The following SCFD2 variants were observed in gnomAD, a reference collection of about 807,000 sequenced individuals.
The protein encoded by SCFD2 is sec1 family domain containing 2.
SCFD2 carries 54 observed loss-of-function variants against 58.9 expected under a neutral mutation model. That is an observed-to-expected ratio of 0.92 (90% CI 0.74 to 1.15). The LOEUF is 1.15. Among genes scored for constraint, SCFD2 ranks in the 50% most tolerant of loss-of-function variants. The pLI, the probability that SCFD2 is intolerant of heterozygous loss-of-function variation, is 0.00. For synonymous variants in SCFD2, 321 were observed against 335.9 expected (o/e 0.96, Z 0.49); for missense variants, 805 against 836.6 (o/e 0.96, Z 0.47).
chr4:53,333,983 A>G (rs1368876745), intron 2 of SCFD2, among the ~76,000 whole-genome samples: 1 of 150,684 alleles, frequency 6.6e-6, no homozygotes, highest in Non-Finnish European at 1.5e-5. Flanking sequence ...TTATGCAGCC[A>G]AAAAACACAT....
At chr4:52,895,780 T>C (rs1037376723) in intron 7 of SCFD2, among the ~76,000 whole-genome samples, 1 of 150,696 alleles carries the variant, frequency 6.6e-6, no homozygotes, top group Admixed American at 6.6e-5. Context: ...TAGTTTACAG[T>C]GTGTAAAAGT....
intron 4 of SCFD2, among the ~76,000 whole-genome samples, chr4:53,146,025 A>G (rs1726320859): frequency 6.6e-6 from 1 of 152,224 alleles, no homozygotes; most frequent in African/African-American, 2.4e-5. Context: ...CATATTCTTT[A>G]TAATAGTTTC....
chr4:53,106,753 G>T (rs1725015230), intron 5 of SCFD2, among the ~76,000 whole-genome samples: 1 of 152,160 alleles, frequency 6.6e-6, no homozygotes, highest in South Asian at 2.1e-4. Context: ...GTACCTGAAA[G>T]TGTACCTGAA....
At chr4:52,961,735 T>C (rs1386093851) in intron 5 of SCFD2, among the ~76,000 whole-genome samples, 1 of 152,082 alleles carries the variant, frequency 6.6e-6, no homozygotes, top group East Asian at 1.9e-4. Context: ...AGAGGTAACA[T>C]TTTAGTAAGA....
intron 4 of SCFD2, among the ~76,000 whole-genome samples, chr4:53,217,759 A>C (rs1387806428): frequency 1.8e-4 from 27 of 152,124 alleles, no homozygotes; most frequent in Admixed American, 1.8e-3. Context: ...ACAATTTGGC[A>C]TGTTTTTGTA....
chr4:52,887,896 CTTT>C (rs71195133), intron 7 of SCFD2, among the ~76,000 whole-genome samples: 2 of 81,644 alleles, frequency 2.4e-5, no homozygotes, highest in Non-Finnish European at 2.2e-5. Context: ...ACATCTTATT[CTTT>C]TTTTTTTTTT....
intron 2 of SCFD2, among the ~76,000 whole-genome samples, chr4:53,347,234 G>C (rs1293751328): frequency 6.6e-6 from 1 of 152,144 alleles, no homozygotes; most frequent in East Asian, 1.9e-4. Flanking sequence ...AGAGTCTAGA[G>C]ATCCCCATGC....
chr4:53,141,349 C>A (rs1177079424), intron 5 of SCFD2, among the ~76,000 whole-genome samples: 2 of 152,132 alleles, frequency 1.3e-5, no homozygotes, highest in African/African-American at 4.8e-5. Context: ...TAATTGTGTG[C>A]ACCCAGCTTT....
chr4:52,985,543 T>C (rs1283962431), intron 5 of SCFD2, among the ~76,000 whole-genome samples: 1 of 151,996 alleles, frequency 6.6e-6, no homozygotes, highest in African/African-American at 2.4e-5. Flanking sequence ...GAGAGGTTTC[T>C]AGCACCATAT....
In SCFD2 at chr4:52,907,525, C is replaced by T. The variant is rs756841381; in HGVS notation, c.1774G>A (p.Val592Ile). The T allele has an allele frequency of 1.4e-5, 22 of 1,613,810 alleles. No homozygotes were observed. The highest frequency in any genetic ancestry group is 4.0e-5 in the African/African-American group (3 of 74,912). ...EIFHPERPDS[V>I]DIEHMSSGLT... ...CCTGAAGACATGTGTTCAATATCAA[C>T]GGAATCTGGCCTCTCGGGATGAAAT... The change falls in exon 7 of 9, where the codon GTT (valine) becomes ATT (isoleucine). Residue 592 changes from valine to isoleucine, a missense_variant. Around this residue, in one of 3 missense-constraint regions of SCFD2, gnomAD observed 633 missense variants for 646.8 expected, o/e 0.98. Coordinates refer to ENST00000401642, the MANE Select transcript of SCFD2 (RefSeq NM_152540.4).
intron 8 of SCFD2, among the ~76,000 whole-genome samples, chr4:52,875,008 T>C (rs59649036): frequency 0.29 from 43,633 of 152,154 alleles, 6,901 homozygotes; most frequent in African/African-American, 0.42. Context: ...ATCCTGATAT[T>C]GAGCTTATGA....
chr4:53,305,483 A>G (rs554337651), intron 3 of SCFD2, among the ~76,000 whole-genome samples: 1 of 152,196 alleles, frequency 6.6e-6, no homozygotes, highest in African/African-American at 2.4e-5. Context: ...CATACTAATT[A>G]TCTTTTAAAT....
chr4:53,245,327 T>A (rs1246827041), intron 4 of SCFD2, among the ~76,000 whole-genome samples: 3 of 152,116 alleles, frequency 2.0e-5, no homozygotes, highest in Non-Finnish European at 4.4e-5. Context: ...CAGGCCAATA[T>A]CCTTGGTGAA....
intron 6 of SCFD2, among the ~76,000 whole-genome samples, chr4:52,916,617 G>T (rs542371344): frequency 5.3e-4 from 80 of 152,210 alleles, no homozygotes; most frequent in African/African-American, 1.8e-3. Context: ...TTCTGCACAG[G>T]CACAGTTGGG....
intron 5 of SCFD2, among the ~76,000 whole-genome samples, chr4:53,067,335 G>C (rs1196079117): frequency 6.6e-6 from 1 of 151,928 alleles, no homozygotes; most frequent in African/African-American, 2.4e-5. Flanking sequence ...AATGTGGTTA[G>C]TACTCAAACA....
chr4:53,298,217 G>A (rs753370369), intron 3 of SCFD2, among the ~76,000 whole-genome samples: 7 of 152,130 alleles, frequency 4.6e-5, no homozygotes, highest in East Asian at 1.9e-4. Flanking sequence ...GGTGACAGAC[G>A]GCACCTGGAA....
At chr4:53,207,266 C>G (rs1242665280) in intron 4 of SCFD2, among the ~76,000 whole-genome samples, 2 of 146,184 alleles carry the variant, frequency 1.4e-5, no homozygotes, top group Non-Finnish European at 3.0e-5. Flanking sequence ...GGGACACATT[C>G]AAACCACAGC....
At chr4:53,314,927 T>C (rs1732810562) in intron 2 of SCFD2, among the ~76,000 whole-genome samples, 1 of 152,208 alleles carries the variant, frequency 6.6e-6, no homozygotes, top group Non-Finnish European at 1.5e-5. Context: ...CTGCATCTAA[T>C]ATTCTTAAGT....
intron 3 of SCFD2, among the ~76,000 whole-genome samples, chr4:53,295,868 G>T (rs542475260): frequency 6.6e-6 from 1 of 152,246 alleles, no homozygotes; most frequent in East Asian, 1.9e-4. Flanking sequence ...TTTTGTCAAA[G>T]GTGTTTTCTG....
Sources: gnomAD v4.1 joint callset for allele counts (sites outside exome capture counted in the v4.1 genomes callset) on GRCh38, gnomAD v4.1.1 for gene constraint, gnomAD v4.1.1 regional missense constraint, MANE v1.5 for transcripts, NCBI Gene and HGNC (gene_info 2026-07-23, HGNC 2026-07-21) for gene names.